The following PDSS1 variants were observed in gnomAD, a reference collection of about 807,000 sequenced individuals.
PDSS1 encodes all trans-polyprenyl-diphosphate synthase PDSS1.
In PDSS1, 43 loss-of-function variants were observed where a neutral mutation model predicts 57.5. The ratio of observed to expected loss-of-function variants is 0.75; its 90% confidence interval spans 0.59 to 0.96. The LOEUF is 0.96. Among genes scored for constraint, PDSS1 ranks in the 50% least tolerant of loss-of-function variants. The pLI, the probability that PDSS1 is intolerant of heterozygous loss-of-function variation, is 0.00. For missense variants in PDSS1, 438 were observed against 527.8 expected, an observed-to-expected ratio of 0.83 and a Z score of 1.67; for synonymous variants, 175 against 191.3, an observed-to-expected ratio of 0.91 and a Z score of 0.70.
chr10:26,740,662 A>C, intron 10 of PDSS1: 1 of 456,728 alleles, frequency 2.2e-6, no homozygotes, highest in Non-Finnish European at 4.4e-6. Flanking sequence ...GCCAGGGAAA[A>C]ACTGGCAGCT....
At chr10:26,720,658 G>A (rs1412937528) in intron 6 of PDSS1, among the ~76,000 whole-genome samples, 1 of 152,012 alleles carries the variant, frequency 6.6e-6, no homozygotes, top group African/African-American at 2.4e-5. Context: ...TTTACTTTTG[G>A]GCTTAGATTA....
intron 5 of PDSS1, among the ~76,000 whole-genome samples, chr10:26,711,737 C>CT (rs1835412142): frequency 1.0e-5 from 1 of 95,584 alleles, no homozygotes; most frequent in Non-Finnish European, 2.4e-5. Flanking sequence ...ATCGCTGACT[C>CT]TACCTACTAG....
chr10:26,720,699 G>A (rs1459085622), intron 6 of PDSS1, among the ~76,000 whole-genome samples: 4 of 152,032 alleles, frequency 2.6e-5, no homozygotes, highest in African/African-American at 4.8e-5. Context: ...TTAAACATTT[G>A]TATAATTGAG....
chr10:26,728,833 C>CA (rs1178238874), intron 8 of PDSS1, among the ~76,000 whole-genome samples: 2 of 126,508 alleles, frequency 1.6e-5, no homozygotes, highest in African/African-American at 3.0e-5. Flanking sequence ...CGCTGGAGTG[C>CA]AGTGGTGCAA....
intron 10 of PDSS1, among the ~76,000 whole-genome samples, chr10:26,738,521 A>G (rs1294855348): frequency 6.6e-6 from 1 of 152,234 alleles, no homozygotes; most frequent in East Asian, 1.9e-4. Context: ...ACGATACTCA[A>G]AGAATCATCT....
chr10:26,711,143 C>CA lies in PDSS1; in HGVS notation c.467+1386dup, dbSNP rs1168309470. ...GTTATCTGTTGCATGGACTCAGTCT[C>CA]AAAAAAAAAAAGTTTTTAAAATAAA... On this transcript the variant is annotated intron_variant, in intron 5 of 11. Transcript: ENST00000376215. Among the ~76,000 whole-genome samples, 73 of 81,618 alleles carry CA rather than the reference C, an allele frequency of 8.9e-4. 15 individuals are homozygous for CA. The highest frequency in any genetic ancestry group is 3.6e-3 in the Admixed American group (25 of 6,946). 53.5% of individuals were successfully genotyped at this position (81,618 alleles called of 152,430 possible).
intron 11 of PDSS1, among the ~76,000 whole-genome samples, chr10:26,744,633 C>T (rs993479837): frequency 2.0e-5 from 3 of 151,990 alleles, no homozygotes; most frequent in Admixed American, 6.6e-5. Flanking sequence ...GTGATCCGCC[C>T]GCCTCGGCCT....
intron 5 of PDSS1, 146 bp from the exon 6 acceptor site, chr10:26,720,072 C>A: frequency 9.2e-7 from 1 of 1,085,236 alleles, no homozygotes; most frequent in Non-Finnish European, 1.3e-6. Flanking sequence ...ATAGAAATGG[C>A]TGTGTGGTGA....
intron 10 of PDSS1, among the ~76,000 whole-genome samples, chr10:26,735,989 T>C (rs1429679207): frequency 2.6e-5 from 4 of 152,252 alleles, no homozygotes; most frequent in South Asian, 2.1e-4. Flanking sequence ...TTAAAAGGCA[T>C]AGGAAGCATC....
intron 8 of PDSS1, among the ~76,000 whole-genome samples, chr10:26,731,256 G>A (rs895492705): frequency 6.6e-6 from 1 of 152,168 alleles, no homozygotes; most frequent in Non-Finnish European, 1.5e-5. Context: ...CACAAGAATA[G>A]CTTGAACCCG....
At chr10:26,742,376 C>T in intron 10 of PDSS1, 121 bp from the exon 11 acceptor site, 1 of 757,390 alleles carries the variant, frequency 1.3e-6, no homozygotes, top group South Asian at 1.5e-5. Context: ...ATCATCTAGA[C>T]ACTTAGTTTC....
chr10:26,714,480 A>G (rs972805601), intron 5 of PDSS1: 1 of 152,096 alleles, frequency 6.6e-6, no homozygotes, highest in African/African-American at 2.4e-5. Context: ...AAAAAAAAAA[A>G]AAGAAAAGAA....
At position 26,723,844 on chromosome 10, in the gene PDSS1, T is replaced by C. The variant is rs1436691659; in HGVS notation, c.648T>C (p.Ser216=). The change falls in exon 7 of 12, where the codon TCT becomes TCC. Residue 216 remains serine (S), a synonymous_variant. Transcript: ENST00000376215. ...GAGATTTAATTCTTTCTGCAGCATCTATAGCTCTGGCACGAATTGGAAATA... is the reference window on the plus strand; with the variant it reads ...GAGATTTAATTCTTTCTGCAGCATCCATAGCTCTGGCACGAATTGGAAATA... The part of the protein sequence containing the change: ...LAGDLILSAA[S]IALARIGNTT... The C allele has an allele frequency of 6.2e-7, 1 of 1,613,554 alleles. No homozygotes were observed. The highest frequency in any genetic ancestry group is 8.5e-7 in the Non-Finnish European group (1 of 1,179,420).
intron 11 of PDSS1, among the ~76,000 whole-genome samples, chr10:26,744,956 G>C (rs1282238421): frequency 6.6e-6 from 1 of 151,818 alleles, no homozygotes; most frequent in East Asian, 2.0e-4. Flanking sequence ...TTGAGGTCAG[G>C]AGTTTGAGAC....
intron 7 of PDSS1, 41 bp from the exon 8 acceptor site, chr10:26,723,973 A>G (rs372803476): frequency 1.3e-6 from 2 of 1,585,522 alleles, no homozygotes; most frequent in African/African-American, 2.7e-5. Context: ...TTAGCCAGGC[A>G]ATAAAGCCAC....
intron 8 of PDSS1, among the ~76,000 whole-genome samples, chr10:26,733,464 C>T (rs1416708765): frequency 1.3e-5 from 2 of 152,194 alleles, no homozygotes; most frequent in Non-Finnish European, 2.9e-5. Context: ...TTACTGTTCA[C>T]TCAACTCAGT....
chr10:26,734,954 T>C (rs1161590708), intron 8 of PDSS1, among the ~76,000 whole-genome samples: 3 of 152,216 alleles, frequency 2.0e-5, no homozygotes, highest in African/African-American at 4.8e-5. Context: ...CTAGTCCAGT[T>C]GTAGCTCAGT....
intron 8 of PDSS1, among the ~76,000 whole-genome samples, chr10:26,730,417 C>G (rs933438078): frequency 3.3e-5 from 5 of 151,694 alleles, no homozygotes; most frequent in Admixed American, 6.6e-5. Flanking sequence ...TGAGACCAGC[C>G]TGGGCAACAT....
At chr10:26,740,514 T>C (rs554498698) in intron 10 of PDSS1, 7 of 417,236 alleles carry the variant, frequency 1.7e-5, no homozygotes, top group African/African-American at 1.4e-4. Flanking sequence ...CTGACACATA[T>C]TTTGGTCTGA....
Sources: allele counts gnomAD v4.1 joint callset (sites outside exome capture counted in the v4.1 genomes callset), GRCh38; gene constraint gnomAD v4.1.1; transcripts MANE v1.5; gene names NCBI Gene and HGNC (gene_info 2026-07-23, HGNC 2026-07-21).